Variants in ATAD2B observed in about 807,000 individuals in gnomAD.
The protein encoded by ATAD2B is ATPase family AAA domain containing 2B, also known as ATPase family AAA domain-containing protein 2B.
A neutral mutation model predicts 167.6 loss-of-function variants in ATAD2B; 40 were observed. The observed-to-expected ratio is 0.24, with a 90% CI of 0.19 to 0.31. The LOEUF is 0.31. Ranked by LOEUF, ATAD2B falls within the 10% of genes least tolerant of loss-of-function variation. The pLI is 1.00. For missense variants in ATAD2B, 1,242 were observed against 1,757.2 expected (o/e 0.71, Z 5.24); for synonymous variants, 579 against 596.5 (o/e 0.97, Z 0.43).
At chr2:23,828,557 G>C (rs148296614) in intron 15 of ATAD2B, among the ~76,000 whole-genome samples, 1 of 152,108 alleles carries the variant, frequency 6.6e-6, no homozygotes, top group Non-Finnish European at 1.5e-5. Flanking sequence ...TTCTAAGAGG[G>C]AATGATATTC....
At position 23,823,361 on chromosome 2, in the gene ATAD2B, G is replaced by A. The variant is rs376897849; in HGVS notation, c.2028C>T (p.Ser676=). Reference sequence around the variant, plus strand: ...TTTCCAGCAGTGGTCTTATGATGGGGGATAGTGCATGCCCTGAAGACATCA... The same window carrying A: ...TTTCCAGCAGTGGTCTTATGATGGGAGATAGTGCATGCCCTGAAGACATCA... ...RAVMSSGHAL[S]PIIRPLLERS... The change falls in exon 16 of 28, where the codon TCC becomes TCT. Residue 676 remains serine, a synonymous_variant. Transcript: ENST00000238789. 1.8e-5 allele frequency: 29 copies of A among 1,613,766 alleles called. No homozygotes were observed. The African/African-American group carries it at 3.3e-4, about 19-fold the overall frequency.
rs771762625 is a variant in ATAD2B at position 23,782,932 on chromosome 2, G to C, written c.3070C>G (p.Leu1024Val). ...KHNYLTAKDFLKDIDLICSNA... is the reference protein window; with the variant it reads ...KHNYLTAKDFVKDIDLICSNA... ...CTACAGATGAGGTCAATATCTTTCAGGAAATCCTTTGCAGTCAGGTAATTA... is the reference window on the plus strand; with the variant it reads ...CTACAGATGAGGTCAATATCTTTCACGAAATCCTTTGCAGTCAGGTAATTA... The change falls in exon 22 of 28, where the codon CTG becomes GTG. Residue 1024 changes from leucine (L) to valine (V), a missense_variant. Coordinates refer to ENST00000238789, the MANE Select transcript of ATAD2B (RefSeq NM_017552.4). 6.2e-7 allele frequency: 1 copy of C among 1,611,744 alleles called. No homozygotes were observed. The highest frequency in any genetic ancestry group is 8.5e-7 in the Non-Finnish European group (1 of 1,178,448).
At chr2:23,790,512 G>A in intron 19 of ATAD2B, among the ~76,000 whole-genome samples, 1 of 152,058 alleles carries the variant, frequency 6.6e-6, no homozygotes, top group East Asian at 1.9e-4. Flanking sequence ...CCAAGAACAG[G>A]CCTACAATAA....
chr2:23,868,559 G>A lies in ATAD2B; in HGVS notation c.1077-613C>T, dbSNP rs975709562. ...CAAAATGCTGGGATTACAGGCGTAA[G>A]CCATCAGCCCAACCTTTATTATAAT... On this transcript the variant is annotated intron_variant, in intron 9 of 27. Coordinates refer to ENST00000238789, the MANE Select transcript of ATAD2B (RefSeq NM_017552.4). Among the ~76,000 whole-genome samples the A allele has an allele frequency of 3.3e-5, 5 of 152,178 alleles. 1 individual carries two copies. In the South Asian group the frequency reaches 1.0e-3, roughly 32 times the overall value.
intron 18 of ATAD2B, among the ~76,000 whole-genome samples, chr2:23,808,037 A>C (rs1266211273): frequency 1.5e-5 from 1 of 67,318 alleles, no homozygotes; most frequent in African/African-American, 4.9e-5. Context: ...TATATATGTA[A>C]TTTATTTATA....
chr2:23,679,069 A>G, the ATAD2B span, among the ~76,000 whole-genome samples: 1 of 151,666 alleles, frequency 6.6e-6, no homozygotes, highest in African/African-American at 2.4e-5. Flanking sequence ...AAAAAAAAGA[A>G]TTAGCCTCAA....
At chr2:23,745,422 A>AAGGAAGGAAGGAAGGAAGGGAAGGG (rs1491261605), downstream of ATAD2B, among the ~76,000 whole-genome samples, 1 of 85,064 alleles carries the variant, frequency 1.2e-5, no homozygotes, top group Non-Finnish European at 2.4e-5. Context: ...GGAAGGAAGG[A>AAGGAAGGAAGGAAGGAAGGGAAGGG]AAGGGAAGGG....
the ATAD2B span, chr2:23,691,762 G>C: frequency 2.6e-6 from 4 of 1,551,672 alleles, no homozygotes; most frequent in Admixed American, 3.9e-5. Context: ...GTTGCTGCTG[G>C]AGTTTGTCTA....
At chr2:23,817,389 C>T (rs1388573179) in intron 17 of ATAD2B, among the ~76,000 whole-genome samples, 3 of 152,126 alleles carry the variant, frequency 2.0e-5, no homozygotes, top group Non-Finnish European at 4.4e-5. Flanking sequence ...ATATGAAGCA[C>T]AGATCTTTAC....
intron 13 of ATAD2B, 131 bp downstream of exon 13, chr2:23,857,284 A>T: frequency 1.9e-6 from 1 of 524,094 alleles, no homozygotes; most frequent in Non-Finnish European, 3.4e-6. Context: ...TAAGAGAAAG[A>T]AGTAGTCCTC....
At chr2:23,740,690 A>C in the ATAD2B span, among the ~76,000 whole-genome samples, 3 of 152,178 alleles carry the variant, frequency 2.0e-5, no homozygotes, top group Non-Finnish European at 4.4e-5. Flanking sequence ...TAGTGTTGGA[A>C]GTTCTGGCCA....
At chr2:23,920,548 G>C (rs1703757142) in intron 1 of ATAD2B, among the ~76,000 whole-genome samples, 1 of 152,160 alleles carries the variant, frequency 6.6e-6, no homozygotes, top group Admixed American at 6.5e-5. Context: ...CACTGTGTCA[G>C]GTGCTGTATT....
At chr2:23,838,367 T>G (rs1690333825) in intron 13 of ATAD2B, among the ~76,000 whole-genome samples, 1 of 152,176 alleles carries the variant, frequency 6.6e-6, no homozygotes, top group Non-Finnish European at 1.5e-5. Context: ...GTCTTGTAAC[T>G]GAAAAGTCTT....
chr2:23,916,445 T>C (rs1023051156), intron 1 of ATAD2B, among the ~76,000 whole-genome samples: 2 of 152,212 alleles, frequency 1.3e-5, no homozygotes, highest in African/African-American at 2.4e-5. Flanking sequence ...CCAAAAATAA[T>C]GGCTGACAAG....
chr2:23,871,354 T>C (rs1180388411), intron 8 of ATAD2B, among the ~76,000 whole-genome samples: 2 of 152,090 alleles, frequency 1.3e-5, no homozygotes, highest in Non-Finnish European at 2.9e-5. Flanking sequence ...TCTCCACCTC[T>C]GCAATTTTAA....
chr2:23,737,551 C>T, the ATAD2B span, among the ~76,000 whole-genome samples: 6 of 152,272 alleles, frequency 3.9e-5, no homozygotes, highest in East Asian at 1.2e-3. Context: ...ATCTGTACGT[C>T]ACCACCTTCA....
chr2:23,776,048 G>A (rs1182722282), intron 22 of ATAD2B, among the ~76,000 whole-genome samples: 5 of 152,056 alleles, frequency 3.3e-5, no homozygotes, highest in African/African-American at 7.2e-5. Flanking sequence ...CCCGAGAGAC[G>A]GAGGTTGCAG....
intron 8 of ATAD2B, among the ~76,000 whole-genome samples, chr2:23,875,079 A>AG (rs71402522): frequency 6.6e-6 from 1 of 150,432 alleles, no homozygotes; most frequent in Non-Finnish European, 1.5e-5. Flanking sequence ...AAGGATAATC[A>AG]GGGGGAAAAA....
At chr2:23,736,899 C>T in the ATAD2B span, among the ~76,000 whole-genome samples, 6 of 152,236 alleles carry the variant, frequency 3.9e-5, no homozygotes, top group Admixed American at 2.0e-4. Flanking sequence ...GATTATATCC[C>T]GCACCTGGCT....
Sources: allele counts gnomAD v4.1 joint callset (sites outside exome capture counted in the v4.1 genomes callset), GRCh38; gene constraint gnomAD v4.1.1; transcripts MANE v1.5; gene names NCBI Gene and HGNC (gene_info 2026-07-23, HGNC 2026-07-21).